PARG: variants seen among roughly 807,000 people sequenced by gnomAD.
PARG encodes mitochondrial poly(ADP-ribose) glycohydrolase.
PARG carries 35 observed loss-of-function variants against 113.0 expected under a neutral mutation model. The observed-to-expected ratio is 0.31, with a 90% confidence interval of 0.24 to 0.41. PARG has a LOEUF of 0.41. Among genes scored for constraint, PARG ranks in the 10% least tolerant of loss-of-function variants. PARG has a pLI of 1.00. For synonymous variants in PARG, 330 were observed against 409.9 expected (o/e 0.81, Z 2.36); for missense variants, 797 against 1,169.4 (o/e 0.68, Z 4.64).
At chr10:49,899,227 A>G (rs1434299579) in intron 7 of PARG, among the ~76,000 whole-genome samples, 1 of 152,238 alleles carries the variant, frequency 6.6e-6, no homozygotes, top group Non-Finnish European at 1.5e-5. Flanking sequence ...AGTTTTCCCA[A>G]GTCTAAAGCA....
chr10:49,912,054 C>G (rs1379103454), intron 7 of PARG, among the ~76,000 whole-genome samples: 43 of 152,304 alleles, frequency 2.8e-4, no homozygotes, highest in Middle Eastern at 3.4e-3. Context: ...AATCCCAACA[C>G]TTTTGGAGGC....
chr10:49,938,458 A>T (rs1330262680), intron 1 of PARG, among the ~76,000 whole-genome samples: 3 of 152,230 alleles, frequency 2.0e-5, no homozygotes, highest in African/African-American at 7.2e-5. Context: ...ATACAGCCAA[A>T]AGGCACAAAA....
rs1481156255 is a variant in PARG at position 49,856,404 on chromosome 10, T to C, written c.2353+902A>G. The stretch of plus-strand genomic sequence containing the variant: ...CATGTTGGCCAGGCTGGTCTTGAAC[T>C]CCTGACCTCAGGCCATCTGTCTGCC... On this transcript the variant is annotated intron_variant, in intron 13 of 17. Transcript: ENST00000616448. 1.3e-4 allele frequency among the ~76,000 whole-genome samples: 20 copies of C among 151,862 alleles called. No homozygotes were observed. In the East Asian group the frequency reaches 2.9e-3, roughly 22 times the overall value.
In PARG at chr10:49,820,226, T is replaced by C. The variant is rs1844003156; in HGVS notation, c.2715A>G (p.Ser905=). The change falls in exon 17 of 18, where the codon TCA becomes TCG. Residue 905 remains serine (S), a synonymous_variant. Transcript: ENST00000616448. ...TGCTGTAAATGTCTCTCATCAATTC[T>C]GAGTCCCCAAAGGTGAAATAAACCA... ...RDVVYFTFGD[S]ELMRDIYSMH... 2 of 1,544,346 alleles carry C rather than the reference T, an allele frequency of 1.3e-6. No individual in the cohort carries two copies. Among genetic ancestry groups the C allele is most frequent in the Non-Finnish European group, 1.8e-6 (2 of 1,140,268 alleles).
In PARG at chr10:49,933,428, T is replaced by C; in HGVS notation, c.1020A>G (p.Lys340=). Residue 340 remains lysine, a synonymous_variant, in exon 3 of 18, where the codon AAA becomes AAG. Transcript: ENST00000616448. ...EDGSSSQTAN[K]PSRFQARDAD... ...CGTCTCTTGCTTGGAACCTTGAAGG[T>C]TTATTTGCTGTTTGGGAGGAACTAC... 2 of 1,613,514 alleles carry C rather than the reference T, an allele frequency of 1.2e-6. No homozygotes were observed.
rs1242894323 is a variant in PARG, at chr10:49,832,905, A to G, written c.2545T>C (p.Tyr849His). The G allele has an allele frequency of 8.5e-6, 13 of 1,525,318 alleles. No homozygotes were observed. Among genetic ancestry groups the G allele is most frequent in the Non-Finnish European group, 9.8e-6 (11 of 1,123,890 alleles). 94.5% of individuals were successfully genotyped at this position (1,525,318 alleles called of 1,614,324 possible). ...ACTCCAGGACGGAGAAATCCACAGT[A>G]AGCCTGCAGGATAAAAGAATTATCA... The part of the protein sequence containing the change: ...EKMRRELNKA[Y>H]CGFLRPGVSS... Residue 849 changes from tyrosine to histidine, a missense_variant, in exon 16 of 18, where the codon TAC (tyrosine) becomes CAC (histidine). By Grantham distance (83) the Tyr-to-His change is moderately conservative (BLOSUM62 2). This residue lies in a region of PARG where 194 missense variants were observed against 247.1 expected (regional missense o/e 0.79). Transcript: ENST00000616448.
At chr10:49,857,585 G>C (rs1846056522) in intron 12 of PARG, 132 bp from the exon 13 acceptor site, 7 of 590,874 alleles carry the variant, frequency 1.2e-5, no homozygotes, top group Non-Finnish European at 2.2e-5. Context: ...AATCTTCCCA[G>C]GAAGGGCAGA....
intron 16 of PARG, among the ~76,000 whole-genome samples, chr10:49,823,482 G>A (rs1283611322): frequency 6.6e-6 from 1 of 152,084 alleles, no homozygotes; most frequent in Non-Finnish European, 1.5e-5. Flanking sequence ...CATGGGAGGT[G>A]CCATGACTAT....
intron 6 of PARG, among the ~76,000 whole-genome samples, chr10:49,919,904 CATGATTAGT>C: frequency 6.6e-6 from 1 of 152,058 alleles, no homozygotes; most frequent in Admixed American, 6.5e-5. Flanking sequence ...ATCAACTGTT[CATGATTAGT>C]AGGAAAAGTA....
At chr10:49,849,600 T>TA (rs1268106709) in intron 13 of PARG, among the ~76,000 whole-genome samples, 4 of 152,360 alleles carry the variant, frequency 2.6e-5, no homozygotes, top group Non-Finnish European at 5.9e-5. Flanking sequence ...CGTCCAAACT[T>TA]ACATAATTGT....
chr10:49,941,234 T>G (rs1436036195), intron 1 of PARG, among the ~76,000 whole-genome samples: 11 of 152,142 alleles, frequency 7.2e-5, no homozygotes, highest in African/African-American at 2.7e-4. Flanking sequence ...CTAAGGCAAT[T>G]TCTCAATCAA....
At chr10:49,903,548 T>A (rs1422495242) in intron 7 of PARG, among the ~76,000 whole-genome samples, 1 of 152,106 alleles carries the variant, frequency 6.6e-6, no homozygotes, top group Non-Finnish European at 1.5e-5. Context: ...TTGGGCCTCA[T>A]GAATATTCAG....
chr10:49,886,978 G>T (rs1554840554), intron 7 of PARG, among the ~76,000 whole-genome samples: 1 of 151,742 alleles, frequency 6.6e-6, no homozygotes, highest in Non-Finnish European at 1.5e-5. Context: ...TATCTGAAAT[G>T]TATGAAAATG....
intron 15 of PARG, among the ~76,000 whole-genome samples, chr10:49,833,630 C>T (rs2132405479): frequency 6.6e-6 from 1 of 152,308 alleles, no homozygotes; most frequent in South Asian, 2.1e-4. Context: ...ATGAACAGCT[C>T]ATTTTCTATA....
intron 4 of PARG, among the ~76,000 whole-genome samples, chr10:49,927,063 C>CT (rs1297769274): frequency 6.6e-6 from 1 of 152,014 alleles, no homozygotes; most frequent in Non-Finnish European, 1.5e-5. Flanking sequence ...AATCCCAGCA[C>CT]TTTGGGAGGT....
At chr10:49,835,673 G>A (rs1378290262) in intron 15 of PARG, among the ~76,000 whole-genome samples, 1 of 152,012 alleles carries the variant, frequency 6.6e-6, no homozygotes, top group Admixed American at 6.6e-5. Flanking sequence ...CTGGTATAAA[G>A]TCTACAGGCC....
At chr10:49,882,034 A>C (rs1847241907) in intron 8 of PARG, among the ~76,000 whole-genome samples, 1 of 152,228 alleles carries the variant, frequency 6.6e-6, no homozygotes, top group Non-Finnish European at 1.5e-5. Context: ...CAGAAAAATG[A>C]TTTTAAAAAT....
In PARG at chr10:49,900,687, A is replaced by G. The variant is rs141854583; in HGVS notation, c.1737+15230T>C. On this transcript the variant is annotated intron_variant, in intron 7 of 17. Transcript: ENST00000616448. ...TATGCCTCCAAAGAATTTACTTCTC[A>G]GTACTATTATGGTAAATGATTATTC... is the stretch of plus-strand genomic sequence containing the variant. Among the ~76,000 whole-genome samples the G allele has an allele frequency of 5.5e-3, 841 of 152,332 alleles. 1 individual carries two copies. The highest frequency in any genetic ancestry group is 0.017 in the Middle Eastern group (5 of 294).
Position 49,885,939 on chromosome 10 carries a change from A to G in PARG, c.1738-644T>C, listed in dbSNP as rs528057959. Among the ~76,000 whole-genome samples, 136 of 152,312 alleles carry G rather than the reference A, an allele frequency of 8.9e-4. 3 individuals are homozygous for G. The South Asian group carries it at 0.026, about 29-fold the overall frequency. Reference sequence around the variant, plus strand: ...GTCTTTTATAAAATTTCCCCTCTCTATAACACCTTTTAATCTAATGTCTTT... The same window carrying G: ...GTCTTTTATAAAATTTCCCCTCTCTGTAACACCTTTTAATCTAATGTCTTT... On this transcript the variant is annotated intron_variant, in intron 7 of 17. Coordinates refer to ENST00000616448, the MANE Select transcript of PARG (RefSeq NM_003631.5).
Sources: gnomAD v4.1 joint callset for allele counts (sites outside exome capture counted in the v4.1 genomes callset) on GRCh38, gnomAD v4.1.1 for gene constraint, gnomAD v4.1.1 regional missense constraint, MANE v1.5 for transcripts, NCBI Gene and HGNC (gene_info 2026-07-23, HGNC 2026-07-21) for gene names.